Variants in AMN1 observed in about 807,000 individuals in gnomAD.
AMN1 encodes protein AMN1 homolog.
In AMN1, 20 loss-of-function variants were observed where a neutral mutation model predicts 33.0. The ratio of observed to expected loss-of-function variants is 0.61; its 90% CI spans 0.43 to 0.88. The LOEUF (loss-of-function observed/expected upper bound fraction) is 0.88, where lower values mean the gene tolerates loss of function less well. AMN1 is among the 40% of genes least tolerant of loss of function. The pLI, the probability that AMN1 is intolerant of heterozygous loss-of-function variation, is 0.00. For missense variants in AMN1, 246 were observed against 307.4 expected (o/e 0.80, Z 1.49); for synonymous variants, 114 against 111.9 (o/e 1.02, Z -0.12).
In AMN1 at chr12:31,697,949, C is replaced by T. The variant is rs1448449496; in HGVS notation, c.325G>A (p.Ala109Thr). 1.2e-6 allele frequency: 2 copies of T among 1,613,690 alleles called. No homozygotes were observed. Among genetic ancestry groups the T allele is most frequent in the South Asian group, 2.2e-5 (2 of 91,088 alleles). Residue 109 changes from alanine to threonine, a missense_variant, in exon 4 of 7, where the codon GCT (alanine) becomes ACT (threonine). By Grantham distance (58) the Ala-to-Thr change is moderately conservative. Transcript: ENST00000281471. ...RVSVTSEGIKAVASSCSYLHE... is the reference protein window; with the variant it reads ...RVSVTSEGIKTVASSCSYLHE... ...AGGTATGAACAAGATGAAGCCACAG[C>T]TTTTATTCCTGGGGGAAAATATAAT...
Position 31,702,511 on chromosome 12 carries a change from A to C in AMN1, c.172-504T>G, listed in dbSNP as rs561516589. Among the ~76,000 whole-genome samples, 64 of 152,290 alleles carry C rather than the reference A, an allele frequency of 4.2e-4. 1 individual carries two copies. Among genetic ancestry groups the C allele is most frequent in the African/African-American group, 1.4e-3 (58 of 41,570 alleles). Reference sequence around the variant, plus strand: ...ATTGGGTGTTTTCTTGAGGTTGACAAATAATAGATTAATTCCTAAGCATTC... The same window carrying C: ...ATTGGGTGTTTTCTTGAGGTTGACACATAATAGATTAATTCCTAAGCATTC... On this transcript the variant is annotated intron_variant, in intron 2 of 6. Transcript: ENST00000281471.
intron 5 of AMN1, among the ~76,000 whole-genome samples, chr12:31,691,139 A>C (rs77853674): frequency 8.0e-4 from 4 of 5,008 alleles, no homozygotes; most frequent in Non-Finnish European, 1.8e-3. Flanking sequence ...CTCCGTCTCA[A>C]AAAAAAAAAA....
At chr12:31,706,516 G>T (rs2139703569) in intron 2 of AMN1, among the ~76,000 whole-genome samples, 1 of 152,134 alleles carries the variant, frequency 6.6e-6, no homozygotes, top group East Asian at 1.9e-4. Flanking sequence ...TGTAAGTAGT[G>T]TAGAAACTAC....
intron 1 of AMN1, among the ~76,000 whole-genome samples, chr12:31,727,790 T>C (rs1005764903): frequency 6.6e-6 from 1 of 152,160 alleles, no homozygotes. Flanking sequence ...AGGCGTGCAG[T>C]GGCGCGATCT....
At chr12:31,688,113 C>T (rs1341492412) in intron 6 of AMN1, among the ~76,000 whole-genome samples, 1 of 152,142 alleles carries the variant, frequency 6.6e-6, no homozygotes, top group African/African-American at 2.4e-5. Flanking sequence ...CACCACCACA[C>T]CTGGCTAATT....
In AMN1 at chr12:31,701,858, C is replaced by A. The variant is rs1201489370; in HGVS notation, c.316+5G>T. ...TACCAATGTACTCAGTGTTAATAAA[C>A]ATACCTTCTGAAGTTACAGAAACTC... On this transcript the variant is annotated splice_donor_5th_base_variant and intron_variant, in intron 3 of 6. Coordinates refer to ENST00000281471, the MANE Select transcript of AMN1 (RefSeq NM_001113402.2). 6.3e-7 allele frequency: 1 copy of A among 1,593,866 alleles called. No individual in the cohort carries two copies. The highest frequency in any genetic ancestry group is 1.9e-5 in the Admixed American group (1 of 53,472).
At chr12:31,709,182 A>G (rs1939369883) in intron 2 of AMN1, 111 bp downstream of exon 2, 1 of 1,336,322 alleles carries the variant, frequency 7.5e-7, no homozygotes, top group Non-Finnish European at 1.0e-6. Context: ...ATAAAAAAAA[A>G]AAAATTAAAA....
chr12:31,685,805 A>AC (rs1938234357), intron 6 of AMN1, among the ~76,000 whole-genome samples: 3 of 149,564 alleles, frequency 2.0e-5, no homozygotes, highest in Non-Finnish European at 4.4e-5. Context: ...ATTATCAAAA[A>AC]AAAAAGAAAG....
intron 5 of AMN1, among the ~76,000 whole-genome samples, chr12:31,694,722 G>A (rs992087543): frequency 6.6e-6 from 1 of 152,082 alleles, no homozygotes; most frequent in Non-Finnish European, 1.5e-5. Flanking sequence ...CTCCACCCTG[G>A]GTGACAGAAC....
rs984633698 is a variant in AMN1 at position 31,718,858 on chromosome 12, A to G, written c.39-9433T>C. Among the ~76,000 whole-genome samples, 7 of 152,214 alleles carry G rather than the reference A, an allele frequency of 4.6e-5. No individual in the cohort carries two copies. In the East Asian group the frequency reaches 9.6e-4, roughly 21 times the overall value. ...TGAGCTTCCTTGCCACTTTGTTTACACTGTGAGCATAGAACCGCCTACTCA... is the reference window on the plus strand; with the variant it reads ...TGAGCTTCCTTGCCACTTTGTTTACGCTGTGAGCATAGAACCGCCTACTCA... On this transcript the variant is annotated intron_variant, in intron 1 of 6. Coordinates refer to ENST00000281471, the MANE Select transcript of AMN1 (RefSeq NM_001113402.2).
At chr12:31,681,779 G>A (rs888921780) in intron 6 of AMN1, among the ~76,000 whole-genome samples, 3 of 152,048 alleles carry the variant, frequency 2.0e-5, no homozygotes, top group African/African-American at 4.8e-5. Flanking sequence ...GGCCTCAAGC[G>A]ATCCTCCCAC....
At chr12:31,709,130 G>A in intron 2 of AMN1, 163 bp downstream of exon 2, 1 of 766,164 alleles carries the variant, frequency 1.3e-6, no homozygotes, top group Non-Finnish European at 2.2e-6. Context: ...AGCTGAGATT[G>A]CACCACTGTA....
intron 2 of AMN1, among the ~76,000 whole-genome samples, chr12:31,703,412 G>A (rs1939092554): frequency 1.3e-5 from 2 of 152,172 alleles, no homozygotes; most frequent in African/African-American, 4.8e-5. Flanking sequence ...AGTGAACACA[G>A]TACTTGACAG....
At chr12:31,728,088 T>C (rs1022108549) in intron 1 of AMN1, among the ~76,000 whole-genome samples, 2 of 152,090 alleles carry the variant, frequency 1.3e-5, no homozygotes, top group South Asian at 4.1e-4. Context: ...CTCGAACTCC[T>C]GAGCTCAAGC....
chr12:31,721,528 T>C (rs1013876175), intron 1 of AMN1, among the ~76,000 whole-genome samples: 1 of 152,160 alleles, frequency 6.6e-6, no homozygotes, highest in Non-Finnish European at 1.5e-5. Context: ...TCTGATCCCT[T>C]AGGGGAAAAA....
intron 1 of AMN1, among the ~76,000 whole-genome samples, chr12:31,713,220 A>G (rs1939536681): frequency 6.6e-6 from 1 of 152,122 alleles, no homozygotes; most frequent in African/African-American, 2.4e-5. Flanking sequence ...TGTGTGTTAT[A>G]TATATATGTA....
At chr12:31,682,409 T>C (rs934768853) in intron 6 of AMN1, among the ~76,000 whole-genome samples, 3 of 150,254 alleles carry the variant, frequency 2.0e-5, no homozygotes, top group African/African-American at 7.3e-5. Flanking sequence ...GCAGCGACAG[T>C]GTAGGGCGGC....
At chr12:31,695,930 C>A (rs191915402) in intron 5 of AMN1, among the ~76,000 whole-genome samples, 130 of 152,066 alleles carry the variant, frequency 8.5e-4, no homozygotes, top group Non-Finnish European at 1.7e-3. Context: ...CATTCCATTA[C>A]AATAGTTGGC....
At chr12:31,698,193 A>T (rs1242950607) in intron 3 of AMN1, among the ~76,000 whole-genome samples, 1 of 152,174 alleles carries the variant, frequency 6.6e-6, no homozygotes, top group Non-Finnish European at 1.5e-5. Flanking sequence ...GCAAGGCTTT[A>T]TTGTCCACAG....
Sources: allele counts gnomAD v4.1 joint callset (sites outside exome capture counted in the v4.1 genomes callset), GRCh38; gene constraint gnomAD v4.1.1; transcripts MANE v1.5; gene names NCBI Gene and HGNC (gene_info 2026-07-23, HGNC 2026-07-21).